Variants in STXBP2 observed in about 807,000 individuals in gnomAD.
The protein encoded by STXBP2 is syntaxin binding protein 2.
Under a neutral mutation model 72.2 loss-of-function variants are expected in STXBP2, and 47 were observed. That is an observed-to-expected ratio of 0.65 (90% CI 0.51 to 0.83). STXBP2 has a LOEUF of 0.83. STXBP2 is among the 40% of genes least tolerant of loss of function. The pLI, the probability that STXBP2 is intolerant of heterozygous loss-of-function variation, is 0.00. For synonymous variants in STXBP2, 367 were observed against 338.7 expected, an observed-to-expected ratio of 1.08 and a Z score of -0.92; for missense variants, 702 against 807.6, an observed-to-expected ratio of 0.87 and a Z score of 1.58.
chr19:7,640,547 CGTGCATCTGTGTGTGTGCGCGT>C (rs891390444), intron 4 of STXBP2, 162 bp from the exon 5 acceptor site: 2 of 719,096 alleles, frequency 2.8e-6, no homozygotes, highest in African/African-American at 3.5e-5. Flanking sequence ...TGTGTGCGTG[CGTGCATCTGTGTGTGTGCGCGT>C]GTGCCCATGT....
At position 7,642,556 on chromosome 19, in the gene STXBP2, G is replaced by C; in HGVS notation, c.902+20G>C. 1 of 1,611,096 alleles carries C rather than the reference G, an allele frequency of 6.2e-7. No homozygotes were observed. Among genetic ancestry groups the C allele is most frequent in the Non-Finnish European group, 8.5e-7 (1 of 1,178,160 alleles). On this transcript the variant is annotated intron_variant, in intron 10 of 18. Transcript: ENST00000221283. This position sits in a 1 kb window ranked among gnomAD's most constrained non-coding sequence, Gnocchi z 6.0. ...GTCCAAGTGCGTGCACACGGGGACC[G>C]GATCCCCCCCCCACCGCCCACTGTG...
chr19:7,644,164 AC>A (rs2032031660), intron 13 of STXBP2, among the ~76,000 whole-genome samples: 2 of 108,744 alleles, frequency 1.8e-5, no homozygotes, highest in Non-Finnish European at 3.7e-5. Flanking sequence ...GAGAGGTGGG[AC>A]CTGGGTGAGG....
Position 7,640,761 on chromosome 19 carries a change from G to A in STXBP2, c.277G>A (p.Gly93Arg), listed in dbSNP as rs1428524496. The A allele has an allele frequency of 1.2e-6, 2 of 1,614,186 alleles. No homozygotes were observed. Among genetic ancestry groups the A allele is most frequent in the Non-Finnish European group, 1.7e-6 (2 of 1,180,012 alleles). The change falls in exon 5 of 19, where the codon GGG becomes AGG. Residue 93 changes from glycine (G) to arginine (R), a missense_variant. Transcript: ENST00000221283. ...TCAGGCCCTGATCAAAGACTTCCAG[G>A]GGACCCCGACTTTCACCTACAAAGC... is the stretch of plus-strand genomic sequence containing the variant. ...SVQALIKDFQ[G>R]TPTFTYKAAH... is the part of the protein sequence containing the mutation.
At position 7,642,934 on chromosome 19, in the gene STXBP2, T is replaced by A; in HGVS notation, c.961-49T>A. The stretch of plus-strand genomic sequence containing the variant: ...CCTGGACTGAGACCCAGGTGGGCAC[T>A]GCCTGGCTTCGCCCCCCAATCCCTA... On this transcript the variant is annotated intron_variant, in intron 11 of 18. Coordinates refer to ENST00000221283, the MANE Select transcript of STXBP2 (RefSeq NM_006949.4). This position sits in a 1 kb window ranked among gnomAD's most constrained non-coding sequence, Gnocchi z 6.0. 6.2e-7 allele frequency: 1 copy of A among 1,612,630 alleles called. No homozygotes were observed. Among genetic ancestry groups the A allele is most frequent in the Non-Finnish European group, 8.5e-7 (1 of 1,178,604 alleles).
Position 7,643,156 on chromosome 19 carries a change from A to C in STXBP2, c.1027-9A>C, listed in dbSNP as rs2031965123. On this transcript the variant is annotated splice_polypyrimidine_tract_variant and intron_variant, in intron 12 of 18. Coordinates refer to ENST00000221283, the MANE Select transcript of STXBP2 (RefSeq NM_006949.4). ...TGTTATCCCCCAACCCCCACCCTGC[A>C]CCCTGCAGTATTCTACGCACCTGCA... 6.2e-7 allele frequency: 1 copy of C among 1,613,802 alleles called. No individual in the cohort carries two copies. Among genetic ancestry groups the C allele is most frequent in the Non-Finnish European group, 8.5e-7 (1 of 1,179,908 alleles).
chr19:7,645,435 CA>C, intron 15 of STXBP2, 129 bp downstream of exon 15: 2 of 896,006 alleles, frequency 2.2e-6, no homozygotes, highest in Non-Finnish European at 3.5e-6. Flanking sequence ...GCTGGGAGGC[CA>C]AAAGCAGTGT....
the STXBP2 span, chr19:7,630,791 G>A: frequency 1.3e-6 from 2 of 1,537,234 alleles, no homozygotes; most frequent in Middle Eastern, 1.7e-4. Flanking sequence ...GAGGCCTTTG[G>A]CTCGTGTCCC....
At chr19:7,647,599 T>A in intron 18 of STXBP2, 88 bp downstream of exon 18, 3 of 1,585,994 alleles carry the variant, frequency 1.9e-6, no homozygotes, top group Non-Finnish European at 2.6e-6. Flanking sequence ...GACTCCAGAG[T>A]CCTTGGAGTC....
chr19:7,630,334 CTGTG>C, the STXBP2 span: 1 of 566,168 alleles, frequency 1.8e-6, no homozygotes, highest in East Asian at 2.9e-5. Context: ...GTGTGTCTGT[CTGTG>C]TTTGAGAGGA....
Position 7,647,198 on chromosome 19 carries a change from C to A in STXBP2, c.1489C>A (p.Pro497Thr). Residue 497 changes from proline to threonine, a missense_variant, in exon 17 of 19, where the codon CCC becomes ACC. Pro to Thr is a conservative substitution (Grantham distance 38, BLOSUM62 -1). Transcript: ENST00000221283. ...VEDRLDRNLW[P>T]FVSDPAPTAS... The stretch of plus-strand genomic sequence containing the variant: ...GGACCGGCTGGACAGGAACCTGTGG[C>A]CCTTCGTATCCGACCCCGCCCCCAC... 6.2e-7 allele frequency: 1 copy of A among 1,611,972 alleles called. No homozygotes were observed. The highest frequency in any genetic ancestry group is 8.5e-7 in the Non-Finnish European group (1 of 1,179,862).
At chr19:7,634,931 C>A (rs746518841), upstream of STXBP2, among the ~76,000 whole-genome samples, 5 of 152,294 alleles carry the variant, frequency 3.3e-5, no homozygotes, top group Non-Finnish European at 2.9e-5. Context: ...CCCCCCCAAC[C>A]ACCTACACAG....
At chr19:7,636,726 C>T (rs572309572), upstream of STXBP2, 46 of 176,042 alleles carry the variant, frequency 2.6e-4, no homozygotes, top group South Asian at 8.2e-3. Context: ...TGCCTCTAAA[C>T]CCTGAAGTAC....
rs967952047 is a variant in STXBP2, at chr19:7,639,870, A to G, written c.246+63A>G. On this transcript the variant is annotated intron_variant, in intron 4 of 18. Transcript: ENST00000221283. ...TGCGTGTACATGTGCATGTGTGTGTATGTCTGCATGCATGTGATTGCATGT... is the reference window on the plus strand; with the variant it reads ...TGCGTGTACATGTGCATGTGTGTGTGTGTCTGCATGCATGTGATTGCATGT... The G allele has an allele frequency of 1.6e-4, 250 of 1,521,772 alleles. 1 individual carries two copies. In the African/African-American group the frequency reaches 2.4e-3, roughly 15 times the overall value. The allele number at this position is 1,521,772 out of a possible 1,614,324, so 94.3% of individuals were successfully genotyped here.
At position 7,643,203 on chromosome 19, in the gene STXBP2, G is replaced by A. The variant is rs756291718; in HGVS notation, c.1065G>A (p.Lys355=). ...TGCATCTAGCAGATGATTGTATGAA[G>A]CACTTCAAGGGCTCGGTGGAGAAGC... ...THLHLADDCM[K]HFKGSVEKLC... is the part of the protein sequence containing the mutation. The change falls in exon 13 of 19, where the codon AAG becomes AAA. Residue 355 remains lysine (K), a synonymous_variant. Coordinates refer to ENST00000221283, the MANE Select transcript of STXBP2 (RefSeq NM_006949.4). The A allele has an allele frequency of 3.5e-5, 56 of 1,614,074 alleles. No individual in the cohort carries two copies. The highest frequency in any genetic ancestry group is 4.5e-5 in the East Asian group (2 of 44,866).
chr19:7,640,384 GTGTC>G (rs371416622), intron 4 of STXBP2: 10,026 of 587,980 alleles, frequency 0.017, 578 homozygotes, highest in Admixed American at 0.15. Flanking sequence ...GTGCGCATCA[GTGTC>G]TGCATGTGTG....
chr19:7,632,416 C>T (rs142018557), upstream of STXBP2: 148 of 1,613,920 alleles, frequency 9.2e-5, no homozygotes, highest in Admixed American at 8.0e-4. The surrounding 1 kb of genome is among the most constrained non-coding windows in gnomAD (Gnocchi z 5.2). Context: ...GGCTGGAAGC[C>T]GGGCAGGCTG....
chr19:7,634,747 T>G (rs2031464298), upstream of STXBP2, among the ~76,000 whole-genome samples: 1 of 152,228 alleles, frequency 6.6e-6, no homozygotes, highest in African/African-American at 2.4e-5. Flanking sequence ...TTGGCAGAGC[T>G]GTGCTCCCTC....
At chr19:7,631,175 C>G in the STXBP2 span, 3 of 1,247,910 alleles carry the variant, frequency 2.4e-6, no homozygotes, top group Non-Finnish European at 3.2e-6. Context: ...CGCCACTGCA[C>G]TCCAGCCTGG....
At position 7,646,229 on chromosome 19, in the gene STXBP2, C is replaced by T. The variant is rs763985652; in HGVS notation, c.1357-20C>T. 1.3e-6 allele frequency: 2 copies of T among 1,581,460 alleles called. No homozygotes were observed. Among genetic ancestry groups the T allele is most frequent in the Admixed American group, 1.9e-5 (1 of 53,890 alleles). ...TCCTTCCCCTCAATCCCCCTGCTGC[C>T]CTCCCTGCCCTGCCTGTAGGGCTCG... On this transcript the variant is annotated intron_variant, in intron 15 of 18. Coordinates refer to ENST00000221283, the MANE Select transcript of STXBP2 (RefSeq NM_006949.4).
Sources: gnomAD v4.1 joint callset for allele counts (sites outside exome capture counted in the v4.1 genomes callset) on GRCh38, gnomAD v4.1.1 for gene constraint, Gnocchi (gnomAD v3.1) non-coding constraint, MANE v1.5 for transcripts, NCBI Gene and HGNC (gene_info 2026-07-23, HGNC 2026-07-21) for gene names.